Variants in POU2F2 observed in about 807,000 individuals in gnomAD.
POU2F2 encodes POU domain, class 2, transcription factor 2.
A neutral mutation model predicts 63.5 loss-of-function variants in POU2F2; 14 were observed. The ratio of observed to expected loss-of-function variants is 0.22; its 90% CI spans 0.15 to 0.34. POU2F2 has a LOEUF of 0.34. Ranked by LOEUF, POU2F2 falls within the 10% of genes least tolerant of loss-of-function variation. POU2F2 has a pLI of 1.00. For missense variants in POU2F2, 607 were observed against 815.2 expected, an observed-to-expected ratio of 0.74 and a Z score of 3.11; for synonymous variants, 306 against 348.6, an observed-to-expected ratio of 0.88 and a Z score of 1.36.
rs557927269 is a variant in POU2F2, at chr19:42,095,550, G to C, written c.1015C>G (p.Leu339Val). Residue 339 changes from leucine to valine, a missense_variant, in exon 10 of 15, where the codon CTA (leucine) becomes GTA (valine). By Grantham distance (32) the Leu-to-Val change is conservative (BLOSUM62 1). This residue lies in a region of POU2F2 where 36 missense variants were observed against 63.8 expected (regional missense o/e 0.56). Transcript: ENST00000692977. The surrounding 1 kb of genome is among the most constrained non-coding windows in gnomAD (Gnocchi z 7.1). Reference protein sequence around the residue: ...NVRFALEKSFLANQKPTSEEI... With the variant: ...NVRFALEKSFVANQKPTSEEI... ...CCAGGAGAGGGGGGCCTCACCGCTAGAAAACTCTTCTCTAAGGCGAAGCGG... is the reference window on the plus strand; with the variant it reads ...CCAGGAGAGGGGGGCCTCACCGCTACAAAACTCTTCTCTAAGGCGAAGCGG... 1 of 1,603,212 alleles carries C rather than the reference G, an allele frequency of 6.2e-7. No individual in the cohort carries two copies. The highest frequency in any genetic ancestry group is 8.5e-7 in the Non-Finnish European group (1 of 1,174,482).
At chr19:42,193,190 C>G (rs921739395) in intron 1 of POU2F2, among the ~76,000 whole-genome samples, 4 of 145,274 alleles carry the variant, frequency 2.8e-5, no homozygotes, top group African/African-American at 1.0e-4. Flanking sequence ...TGCACTGCAA[C>G]CTGGGCGACA....
chr19:42,092,210 C>G lies in POU2F2; in HGVS notation c.1325G>C (p.Gly442Ala). The G allele has an allele frequency of 6.4e-7, 1 of 1,564,142 alleles. No homozygotes were observed. The highest frequency in any genetic ancestry group is 1.2e-5 in the South Asian group (1 of 85,102). The change falls in exon 13 of 15, where the codon GGG becomes GCG. Residue 442 changes from glycine to alanine, a missense_variant. By Grantham distance (60) the Gly-to-Ala change is moderately conservative. This residue lies in a region of POU2F2 where 270 missense variants were observed against 307.5 expected (regional missense o/e 0.88). Coordinates refer to ENST00000692977, the MANE Select transcript of POU2F2 (RefSeq NM_001394376.1). The surrounding 1 kb of genome is among the most constrained non-coding windows in gnomAD (Gnocchi z 5.0). The part of the protein sequence containing the change: ...LHPSRTAGGG[G>A]GGGGAAPPLN... ...GGGGGGCGCAGCCCCGCCCCCGCCC[C>G]CACCCCCTCCAGCTGTCCGGCTGGG...
chr19:42,096,286 A>G lies in POU2F2; in HGVS notation c.568-43T>C. ...TGGGTGGGATGCAGGGCGGAGGACC[A>G]GGATGGGGCTCAGCGATGGGTGCAC... On this transcript the variant is annotated intron_variant, in intron 7 of 14. Coordinates refer to ENST00000692977, the MANE Select transcript of POU2F2 (RefSeq NM_001394376.1). This position sits in a 1 kb window ranked among gnomAD's most constrained non-coding sequence, Gnocchi z 4.1. 1 of 1,495,054 alleles carries G rather than the reference A, an allele frequency of 6.7e-7. No homozygotes were observed. The highest frequency in any genetic ancestry group is 8.9e-7 in the Non-Finnish European group (1 of 1,119,910). 92.6% of individuals were successfully genotyped at this position (1,495,054 alleles called of 1,614,324 possible).
At chr19:42,188,925 A>AAGGAAGGAAGGAAGGC in intron 1 of POU2F2, among the ~76,000 whole-genome samples, 2 of 147,712 alleles carry the variant, frequency 1.4e-5, no homozygotes, top group African/African-American at 5.0e-5. Context: ...GGAAGGAAGG[A>AAGGAAGGAAGGAAGGC]AGGAAGGAAG....
rs1359694790 is a variant in POU2F2 at position 42,169,414 on chromosome 19, G to C, written c.-70+6549C>G. ...CCTATGTGCCTGCACAGACATCTGGGTTTTCATACCTGTGTCTGAGTATGT... is the reference window on the plus strand; with the variant it reads ...CCTATGTGCCTGCACAGACATCTGGCTTTTCATACCTGTGTCTGAGTATGT... On this transcript the variant is annotated intron_variant, in intron 1 of 6. Coordinates refer to the POU2F2 transcript ENST00000524801. This position sits in a 1 kb window ranked among gnomAD's most constrained non-coding sequence, Gnocchi z 4.3. Among the ~76,000 whole-genome samples the C allele has an allele frequency of 6.6e-6, 1 of 152,202 alleles. No individual in the cohort carries two copies. The highest frequency in any genetic ancestry group is 1.5e-5 in the Non-Finnish European group (1 of 68,032).
At position 42,090,917 on chromosome 19, in the gene POU2F2, A is replaced by G. The variant is rs560490552; in HGVS notation, c.*340T>C. On this transcript the variant is annotated 3_prime_UTR_variant, in exon 15 of 15. Coordinates refer to ENST00000692977, the MANE Select transcript of POU2F2 (RefSeq NM_001394376.1). This position sits in a 1 kb window ranked among gnomAD's most constrained non-coding sequence, Gnocchi z 4.4. ...ATTTGGCGTCGTAGCAGTGAGGGTG[A>G]GCACGCTGAGGTCTGGCTCGCGACT... 46 of 191,732 alleles carry G rather than the reference A, an allele frequency of 2.4e-4. No individual in the cohort carries two copies. Among genetic ancestry groups the G allele is most frequent in the Non-Finnish European group, 4.5e-4 (44 of 96,724 alleles). The allele number at this position is 191,732 out of a possible 1,614,324, so 11.9% of individuals were successfully genotyped here.
chr19:42,146,096 C>T (rs928184670), intron 2 of POU2F2, among the ~76,000 whole-genome samples: 1 of 151,934 alleles, frequency 6.6e-6, no homozygotes, highest in African/African-American at 2.4e-5. Context: ...GAGAAGCCCT[C>T]CACCTACTAT....
chr19:42,096,790 T>C lies in POU2F2; in HGVS notation c.568-547A>G, dbSNP rs2076937691. On this transcript the variant is annotated intron_variant, in intron 7 of 14. Transcript: ENST00000692977. This position sits in a 1 kb window ranked among gnomAD's most constrained non-coding sequence, Gnocchi z 4.1. ...GAACCCTAATGTCAGCTATGAACTT[T>C]GGGTAATAGTGATGTGTCAATGTAG... Among the ~76,000 whole-genome samples, 1 of 152,216 alleles carries C rather than the reference T, an allele frequency of 6.6e-6. No individual in the cohort carries two copies. The highest frequency in any genetic ancestry group is 2.4e-5 in the African/African-American group (1 of 41,454).
Position 42,156,828 on chromosome 19 carries a change from A to T in POU2F2, c.-9+3504T>A, listed in dbSNP as rs1275443717. ...TCATGTGCGGCTAAACATCCTCCTC[A>T]TGCAGCCTTGAATTCTGTTCCTTCC... On this transcript the variant is annotated intron_variant, in intron 2 of 6. Transcript: ENST00000524801. This position sits in a 1 kb window ranked among gnomAD's most constrained non-coding sequence, Gnocchi z 4.1. 1 of 152,158 alleles carries T rather than the reference A, an allele frequency of 6.6e-6. No individual in the cohort carries two copies. The highest frequency in any genetic ancestry group is 1.5e-5 in the Non-Finnish European group (1 of 68,058). The allele number at this position is 152,158 out of a possible 1,614,324, so 9.4% of individuals were successfully genotyped here.
intron 1 of POU2F2, 94 bp from the exon 2 acceptor site, chr19:42,122,670 C>T (rs1017461834): frequency 2.5e-6 from 3 of 1,178,738 alleles, no homozygotes; most frequent in African/African-American, 1.6e-5. Flanking sequence ...AGCCTTTCCC[C>T]CAAATTCCCC....
chr19:42,113,544 T>C (rs764569789), intron 5 of POU2F2, among the ~76,000 whole-genome samples: 2 of 152,242 alleles, frequency 1.3e-5, no homozygotes, highest in Non-Finnish European at 2.9e-5. Flanking sequence ...TGGTACTTTA[T>C]ATAATTTCAA....
At chr19:42,171,031 C>T (rs557911108) in intron 1 of POU2F2, among the ~76,000 whole-genome samples, 7 of 152,280 alleles carry the variant, frequency 4.6e-5, no homozygotes, top group South Asian at 2.1e-4. Flanking sequence ...CTGGCAGAAC[C>T]GTCCGGACCA....
At chr19:42,158,550 C>T (rs571487806) in intron 2 of POU2F2, among the ~76,000 whole-genome samples, 20 of 152,340 alleles carry the variant, frequency 1.3e-4, no homozygotes, top group African/African-American at 4.1e-4. Context: ...ACACCCACTT[C>T]ACAGGGTTGC....
At position 42,153,328 on chromosome 19, in the gene POU2F2, T is replaced by C. The variant is rs1791975514; in HGVS notation, c.-9+7004A>G. On this transcript the variant is annotated intron_variant, in intron 2 of 6. Transcript: ENST00000524801. This position sits in a 1 kb window ranked among gnomAD's most constrained non-coding sequence, Gnocchi z 5.6. The stretch of plus-strand genomic sequence containing the variant: ...GAGCACTGGGTGGCTGTGTATGCAC[T>C]TCCATGAGTGTTTCCCTGACGCTAA... 6.6e-6 allele frequency among the ~76,000 whole-genome samples: 1 copy of C among 152,164 alleles called. No homozygotes were observed. The highest frequency in any genetic ancestry group is 6.5e-5 in the Admixed American group (1 of 15,288).
At chr19:42,121,906 G>A (rs1600119360) in intron 4 of POU2F2, among the ~76,000 whole-genome samples, 1 of 152,144 alleles carries the variant, frequency 6.6e-6, no homozygotes, top group South Asian at 2.1e-4. Flanking sequence ...GGGGCTCTGG[G>A]GGGGATTTCC....
chr19:42,192,067 G>A (rs142092688), intron 1 of POU2F2, among the ~76,000 whole-genome samples: 261 of 152,248 alleles, frequency 1.7e-3, no homozygotes, highest in African/African-American at 5.8e-3. Flanking sequence ...TACACTTCCT[G>A]GTAATGACTA....
At position 42,161,586 on chromosome 19, in the gene POU2F2, G is replaced by A. The variant is rs183264378; in HGVS notation, c.-69-1194C>T. On this transcript the variant is annotated intron_variant, in intron 1 of 6. Transcript: ENST00000524801. ...AAAAAGATGGACTGAGAAGGAGGGGGAGAGAGAAAGAGAAGAGATGGGGAG... is the reference window on the plus strand; with the variant it reads ...AAAAAGATGGACTGAGAAGGAGGGGAAGAGAGAAAGAGAAGAGATGGGGAG... Among the ~76,000 whole-genome samples, 519 of 152,060 alleles carry A rather than the reference G, an allele frequency of 3.4e-3. 7 individuals carry two copies. The highest frequency in any genetic ancestry group is 0.017 in the Middle Eastern group (5 of 294).
intron 5 of POU2F2, among the ~76,000 whole-genome samples, chr19:42,108,381 A>C (rs991113361): frequency 2.0e-5 from 3 of 152,146 alleles, no homozygotes; most frequent in African/African-American, 4.8e-5. Flanking sequence ...GCTTGAGCCC[A>C]GGAGTTCCAG....
At chr19:42,154,297 G>C (rs1303695244) in intron 2 of POU2F2, among the ~76,000 whole-genome samples, 1 of 151,992 alleles carries the variant, frequency 6.6e-6, no homozygotes, top group Non-Finnish European at 1.5e-5. Flanking sequence ...GGCAGAGTGA[G>C]AGACAGAGGC....
Sources: allele counts gnomAD v4.1 joint callset (sites outside exome capture counted in the v4.1 genomes callset), GRCh38; gene constraint gnomAD v4.1.1; regional missense constraint gnomAD v4.1.1; non-coding constraint Gnocchi (gnomAD v3.1); transcripts MANE v1.5; gene names NCBI Gene and HGNC (gene_info 2026-07-23, HGNC 2026-07-21).